Variants in CD226 observed in about 807,000 individuals in gnomAD.
CD226 encodes CD226 antigen.
In CD226, 24 loss-of-function variants were observed where a neutral mutation model predicts 34.9. The ratio of observed to expected loss-of-function variants is 0.69; its 90% CI spans 0.50 to 0.97. The LOEUF is 0.97. CD226 is among the 50% of genes least tolerant of loss of function. The pLI is 0.00. For synonymous variants in CD226, 148 were observed against 147.4 expected (o/e 1.00, Z -0.03); for missense variants, 397 against 412.7 (o/e 0.96, Z 0.33).
intron 2 of CD226, among the ~76,000 whole-genome samples, chr18:69,920,759 G>A (rs972564384): frequency 6.6e-6 from 1 of 152,084 alleles, no homozygotes; most frequent in Non-Finnish European, 1.5e-5. Context: ...TAAAGATATT[G>A]TAACAAGGGT....
intron 2 of CD226, among the ~76,000 whole-genome samples, chr18:69,925,852 C>T (rs565098805): frequency 1.6e-4 from 24 of 152,254 alleles, no homozygotes; most frequent in Admixed American, 1.3e-3. Context: ...CACATAGAAT[C>T]ACTTAGCAGG....
chr18:69,888,150 T>C (rs1349935966), intron 3 of CD226, among the ~76,000 whole-genome samples: 1 of 152,242 alleles, frequency 6.6e-6, no homozygotes, highest in Non-Finnish European at 1.5e-5. Context: ...CTATTAAGAA[T>C]GAAATGCTAT....
At chr18:69,958,317 C>T (rs746540477), upstream of CD226, among the ~76,000 whole-genome samples, 3 of 152,142 alleles carry the variant, frequency 2.0e-5, no homozygotes, top group East Asian at 1.9e-4. Flanking sequence ...TAGAATAGGA[C>T]GAAGCCATGC....
chr18:69,931,074 T>C (rs908509688), intron 2 of CD226, among the ~76,000 whole-genome samples: 1 of 152,182 alleles, frequency 6.6e-6, no homozygotes, highest in Admixed American at 6.5e-5. Context: ...TGAGTTCATG[T>C]CCTTTGTAGG....
chr18:69,928,769 T>C (rs540275432), intron 2 of CD226, among the ~76,000 whole-genome samples: 1 of 152,306 alleles, frequency 6.6e-6, no homozygotes, highest in Admixed American at 6.5e-5. Context: ...GCATTTCAGA[T>C]TTCAGATTTT....
chr18:69,883,110 C>A (rs1984358693), intron 3 of CD226, among the ~76,000 whole-genome samples: 1 of 152,092 alleles, frequency 6.6e-6, no homozygotes, highest in Admixed American at 6.5e-5. Context: ...AATGCCAAGT[C>A]CATAAAAAAG....
chr18:69,905,648 C>T (rs1192933151), intron 2 of CD226, among the ~76,000 whole-genome samples: 1 of 152,180 alleles, frequency 6.6e-6, no homozygotes, highest in Non-Finnish European at 1.5e-5. Flanking sequence ...ATTCATTCAA[C>T]ATTCATTCCT....
chr18:69,902,769 G>C (rs754724546), intron 2 of CD226, among the ~76,000 whole-genome samples: 5 of 151,846 alleles, frequency 3.3e-5, no homozygotes, highest in Non-Finnish European at 7.4e-5. Flanking sequence ...GCTTCAAATA[G>C]ACTAAAAATT....
intron 4 of CD226, among the ~76,000 whole-genome samples, chr18:69,868,110 TA>T (rs1983262322): frequency 6.6e-6 from 1 of 151,978 alleles, no homozygotes; most frequent in South Asian, 2.1e-4. Context: ...ATGAAACCCA[TA>T]AAAACCTAAC....
chr18:69,935,557 G>A (rs2145342404), intron 2 of CD226, among the ~76,000 whole-genome samples: 1 of 152,308 alleles, frequency 6.6e-6, no homozygotes, highest in Non-Finnish European at 1.5e-5. Context: ...CGCTGCATTG[G>A]CACCCACACA....
chr18:69,946,188 A>C (rs2055788717), intron 2 of CD226, among the ~76,000 whole-genome samples: 1 of 142,606 alleles, frequency 7.0e-6, no homozygotes, highest in African/African-American at 2.5e-5. Context: ...ATCAAAAAAA[A>C]AAAAAAAAAA....
chr18:69,888,819 T>C (rs1984715240), intron 3 of CD226, among the ~76,000 whole-genome samples: 1 of 152,296 alleles, frequency 6.6e-6, no homozygotes, highest in South Asian at 2.1e-4. Context: ...TTCAATATAA[T>C]AGTGTCATCA....
intron 3 of CD226, among the ~76,000 whole-genome samples, chr18:69,876,945 T>G (rs1447481081): frequency 5.9e-4 from 81 of 136,642 alleles, no homozygotes; most frequent in Middle Eastern, 4.4e-3. Context: ...CTCGCTGCAA[T>G]CTCCGCCTCC....
At chr18:69,950,922 CA>C (rs1262004542), upstream of CD226, among the ~76,000 whole-genome samples, 1 of 151,502 alleles carries the variant, frequency 6.6e-6, no homozygotes, top group East Asian at 1.9e-4. Flanking sequence ...TTCCACACGC[CA>C]CAGAGATATT....
intron 2 of CD226, among the ~76,000 whole-genome samples, chr18:69,909,210 T>C (rs1013031428): frequency 2.0e-5 from 3 of 152,186 alleles, no homozygotes; most frequent in African/African-American, 7.2e-5. Flanking sequence ...TTCCCAATAA[T>C]TTTGGGGGGA....
Position 69,858,883 on chromosome 18 carries a change from C to A in CD226, c.*5431G>T. On this transcript the variant is annotated 3_prime_UTR_variant, in exon 6 of 6. Coordinates refer to ENST00000582621, the MANE Select transcript of CD226 (RefSeq NM_001303618.2). The stretch of plus-strand genomic sequence containing the variant: ...TAGCTGGGACTACAGGTGCGTGCCA[C>A]CAGGCCTGGCTAATTTTTCTATTTT... The A allele has an allele frequency of 6.6e-6, 1 of 151,704 alleles. No homozygotes were observed. Among genetic ancestry groups the A allele is most frequent in the Non-Finnish European group, 1.5e-5 (1 of 67,932 alleles). 9.4% of individuals were successfully genotyped at this position (151,704 alleles called of 1,614,324 possible). A position where few individuals can be genotyped will look rare whatever the true frequency, so the allele number is the denominator to read the frequency against.
chr18:69,933,993 T>C (rs984026649), intron 2 of CD226, among the ~76,000 whole-genome samples: 4 of 152,238 alleles, frequency 2.6e-5, no homozygotes, highest in Non-Finnish European at 5.9e-5. Flanking sequence ...CAACTATGTT[T>C]CTTAAAAGAT....
rs1481271453 is a variant in CD226 at position 69,860,297 on chromosome 18, C to A, written c.*4017G>T. The A allele has an allele frequency of 6.6e-6, 1 of 152,148 alleles. No homozygotes were observed. The highest frequency in any genetic ancestry group is 1.5e-5 in the Non-Finnish European group (1 of 68,026). 9.4% of individuals were successfully genotyped at this position (152,148 alleles called of 1,614,324 possible). On this transcript the variant is annotated 3_prime_UTR_variant, in exon 6 of 6. Coordinates refer to ENST00000582621, the MANE Select transcript of CD226 (RefSeq NM_001303618.2). ...CAAGACAAAGGAAAATATTTCTATA[C>A]CCTACAAGAACCAAAAATCCAAAAG...
At chr18:69,916,071 ATT>A (rs112592458) in intron 2 of CD226, among the ~76,000 whole-genome samples, 5,094 of 152,262 alleles carry the variant, frequency 0.033, 299 homozygotes, top group African/African-American at 0.12. Context: ...ATTCAATTGC[ATT>A]TTACAGCAAA....
Sources: gnomAD v4.1 joint callset for allele counts (sites outside exome capture counted in the v4.1 genomes callset) on GRCh38, gnomAD v4.1.1 for gene constraint, MANE v1.5 for transcripts, NCBI Gene and HGNC (gene_info 2026-07-23, HGNC 2026-07-21) for gene names.